Variants in ELAVL4 observed in about 807,000 individuals in gnomAD.
ELAVL4 encodes ELAV like RNA binding protein 4.
In ELAVL4, 1 loss-of-function variant was observed where a neutral mutation model predicts 35.6. The observed-to-expected ratio is 0.03, with a 90% CI of 0.01 to 0.13. The LOEUF (loss-of-function observed/expected upper bound fraction) is 0.13, where lower values mean the gene tolerates loss of function less well. Ranked by LOEUF, ELAVL4 falls within the 10% of genes least tolerant of loss-of-function variation. ELAVL4 has a pLI of 1.00. For synonymous variants in ELAVL4, 156 were observed against 171.0 expected, an observed-to-expected ratio of 0.91 and a Z score of 0.69; for missense variants, 267 against 464.9, an observed-to-expected ratio of 0.57 and a Z score of 3.91.
chr1:50,150,872 C>G (rs1208717439), intron 2 of ELAVL4, among the ~76,000 whole-genome samples: 2 of 152,168 alleles, frequency 1.3e-5, no homozygotes, highest in African/African-American at 4.8e-5. Context: ...ACTGCAACAG[C>G]TTTTATTTTT....
chr1:50,125,462 T>G (rs573255984), intron 1 of ELAVL4, among the ~76,000 whole-genome samples: 1 of 152,062 alleles, frequency 6.6e-6, no homozygotes, highest in South Asian at 2.1e-4. Flanking sequence ...GAGCTTCATA[T>G]GTCCAACTAC....
At chr1:50,069,367 G>GT in intron 1 of ELAVL4, among the ~76,000 whole-genome samples, 1 of 152,180 alleles carries the variant, frequency 6.6e-6, no homozygotes, top group Non-Finnish European at 1.5e-5. Flanking sequence ...TTATTTTCTT[G>GT]TTAATTCTGG....
rs145952931 is a variant in ELAVL4 at position 50,163,131 on chromosome 1, T to C, written c.251-13958T>C. On this transcript the variant is annotated intron_variant, in intron 2 of 6. Transcript: ENST00000371824. ...GGGTGCTCATTGTGTCCTCTCCTTCTGGAATGCTCTACTATACCTGTTGCC... is the reference window on the plus strand; with the variant it reads ...GGGTGCTCATTGTGTCCTCTCCTTCCGGAATGCTCTACTATACCTGTTGCC... Among the ~76,000 whole-genome samples the C allele has an allele frequency of 2.7e-3, 416 of 152,332 alleles. 2 individuals carry two copies. The highest frequency in any genetic ancestry group is 8.6e-3 in the African/African-American group (359 of 41,580).
At chr1:50,149,796 C>G (rs1230888274) in intron 2 of ELAVL4, among the ~76,000 whole-genome samples, 1 of 152,108 alleles carries the variant, frequency 6.6e-6, no homozygotes, top group African/African-American at 2.4e-5. Context: ...CCTGCCTCGG[C>G]CTCCCAACGT....
At position 50,085,982 on chromosome 1, in the gene ELAVL4, T is replaced by C. The variant is rs898279523; in HGVS notation, c.18+37800T>C. 6.6e-5 allele frequency among the ~76,000 whole-genome samples: 10 copies of C among 152,312 alleles called. No individual in the cohort carries two copies. The East Asian group carries it at 7.7e-4, about 12-fold the overall frequency. ...TTTGTTCACCAGTTGTAAGTCCTAT[T>C]TGGGGTAACTGTTCATGTGTTTTGT... On this transcript the variant is annotated intron_variant, in intron 1 of 6. Transcript: ENST00000448907.
chr1:50,112,153 CTT>C (rs1023576031), intron 1 of ELAVL4, among the ~76,000 whole-genome samples: 5 of 151,874 alleles, frequency 3.3e-5, no homozygotes, highest in Admixed American at 6.6e-5. Context: ...TATTTTCACT[CTT>C]GAGGTAAAAA....
At chr1:50,146,819 CAGCTAT>C (rs1396302925) in intron 2 of ELAVL4, among the ~76,000 whole-genome samples, 1 of 152,064 alleles carries the variant, frequency 6.6e-6, no homozygotes, top group Non-Finnish European at 1.5e-5. Context: ...CAGACTCTGC[CAGCTAT>C]ATTAGTGAAT....
At chr1:50,095,234 T>C (rs1301715474) in intron 1 of ELAVL4, among the ~76,000 whole-genome samples, 1 of 152,182 alleles carries the variant, frequency 6.6e-6, no homozygotes, top group Non-Finnish European at 1.5e-5. Context: ...TTTTCTTTCA[T>C]TATAGTATTA....
At chr1:50,103,884 G>A (rs1400952259), upstream of ELAVL4, 21 of 1,604,294 alleles carry the variant, frequency 1.3e-5, 1 homozygote, top group African/African-American at 2.7e-5. Flanking sequence ...TGTGTTCGGA[G>A]GGACTGGTGT....
intron 1 of ELAVL4, among the ~76,000 whole-genome samples, chr1:50,060,805 T>G (rs570365859): frequency 1.3e-5 from 2 of 152,354 alleles, no homozygotes; most frequent in Non-Finnish European, 1.5e-5. Flanking sequence ...ATCTCTTCTT[T>G]GTCCATTGTG....
In ELAVL4 at chr1:50,109,032, C is replaced by CAAAAAAA; in HGVS notation, c.-153_-152insAAAAAAA. 3 of 978,182 alleles carry CAAAAAAA rather than the reference C, an allele frequency of 3.1e-6. No homozygotes were observed. The highest frequency in any genetic ancestry group is 3.6e-6 in the Non-Finnish European group (3 of 823,870). The allele number at this position is 978,182 out of a possible 1,614,324, so 60.6% of individuals were successfully genotyped here. ...TCTTTCTCTCCCCCGCCCACCCCCCCAAAAATAATTGATTTGCTTTACAAT... is the reference window on the plus strand; with the variant it reads ...TCTTTCTCTCCCCCGCCCACCCCCCCAAAAAAAAAAAATAATTGATTTGCTTTACAAT... On this transcript the variant is annotated 5_prime_UTR_variant, in exon 1 of 7. Transcript: ENST00000371824.
At chr1:50,161,241 A>G (rs1014058221) in intron 2 of ELAVL4, among the ~76,000 whole-genome samples, 5 of 152,108 alleles carry the variant, frequency 3.3e-5, no homozygotes, top group African/African-American at 1.2e-4. Context: ...GTTTGCCAAA[A>G]TCATCCTCTT....
chr1:50,194,567 C>T (rs141790971), intron 4 of ELAVL4, among the ~76,000 whole-genome samples: 7 of 152,188 alleles, frequency 4.6e-5, no homozygotes, highest in South Asian at 2.1e-4. Flanking sequence ...TAGTTTAGCA[C>T]GTTTATCATG....
chr1:50,167,680 C>T (rs957365569), intron 2 of ELAVL4, among the ~76,000 whole-genome samples: 3 of 152,148 alleles, frequency 2.0e-5, no homozygotes, highest in East Asian at 1.9e-4. Flanking sequence ...TCCCTGCCAC[C>T]GTGGCCACTT....
chr1:50,194,512 G>A (rs1443518822), intron 4 of ELAVL4, among the ~76,000 whole-genome samples: 2 of 152,132 alleles, frequency 1.3e-5, no homozygotes, highest in East Asian at 1.9e-4. Flanking sequence ...AGGTGTTTTC[G>A]CCTACCTCCA....
intron 1 of ELAVL4, among the ~76,000 whole-genome samples, chr1:50,069,497 G>A (rs1169988647): frequency 1.3e-5 from 2 of 152,114 alleles, no homozygotes; most frequent in Admixed American, 6.5e-5. Context: ...AATCATTCAT[G>A]GCTGAAAGGA....
At chr1:50,178,206 G>A (rs938874837) in intron 3 of ELAVL4, among the ~76,000 whole-genome samples, 1 of 152,166 alleles carries the variant, frequency 6.6e-6, no homozygotes, top group Non-Finnish European at 1.5e-5. Flanking sequence ...TCTCCTGGGC[G>A]CTCTTATCCT....
At chr1:50,087,585 G>A (rs1467876904) in intron 1 of ELAVL4, among the ~76,000 whole-genome samples, 1 of 152,152 alleles carries the variant, frequency 6.6e-6, no homozygotes, top group Non-Finnish European at 1.5e-5. Context: ...CACGAAATTT[G>A]CTGTGGACTA....
intron 1 of ELAVL4, among the ~76,000 whole-genome samples, chr1:50,133,214 G>A (rs1671161412): frequency 6.6e-6 from 1 of 152,114 alleles, no homozygotes; most frequent in East Asian, 1.9e-4. Flanking sequence ...GGACCAGTGG[G>A]TCCAAGAATA....
Sources: allele counts gnomAD v4.1 joint callset (sites outside exome capture counted in the v4.1 genomes callset), GRCh38; gene constraint gnomAD v4.1.1; transcripts MANE v1.5; gene names NCBI Gene and HGNC (gene_info 2026-07-23, HGNC 2026-07-21).